Variants in NGEF observed in about 807,000 individuals in gnomAD.
NGEF encodes neuronal guanine nucleotide exchange factor.
NGEF carries 31 observed loss-of-function variants against 80.9 expected under a neutral mutation model. The observed-to-expected ratio is 0.38, with a 90% CI of 0.29 to 0.52. NGEF has a LOEUF of 0.52. NGEF is among the 20% of genes least tolerant of loss of function. The probability of loss-of-function intolerance (pLI) is 0.84; values close to 1 mark genes in which losing one functional copy is unlikely to be tolerated. For synonymous variants in NGEF, 371 were observed against 370.2 expected, an observed-to-expected ratio of 1.00 and a Z score of -0.03; for missense variants, 709 against 926.2, an observed-to-expected ratio of 0.77 and a Z score of 3.04.
intron 1 of NGEF, among the ~76,000 whole-genome samples, chr2:232,985,095 A>G (rs1309922994): frequency 1.3e-5 from 2 of 152,182 alleles, no homozygotes; most frequent in African/African-American, 2.4e-5. Context: ...AACAGCCAGG[A>G]CTAGAATCTT....
intron 5 of NGEF, chr2:232,901,444 T>G (rs763356103): frequency 4.1e-6 from 4 of 985,460 alleles, no homozygotes; most frequent in Non-Finnish European, 4.8e-6. Flanking sequence ...TTTTTTTGGC[T>G]TCTCCCGACC....
chr2:232,995,677 T>TTA (rs143771812), intron 1 of NGEF, among the ~76,000 whole-genome samples: 4 of 128,998 alleles, frequency 3.1e-5, no homozygotes, highest in African/African-American at 1.3e-4. Context: ...TATATATGTA[T>TTA]TATATATATT....
intron 9 of NGEF, among the ~76,000 whole-genome samples, chr2:232,886,171 GTGA>G (rs929619843): frequency 1.3e-5 from 1 of 75,122 alleles, no homozygotes; most frequent in Non-Finnish European, 2.8e-5. Context: ...TGTACTGTGT[GTGA>G]TATGTATGTG....
At chr2:232,958,811 C>T (rs545078066) in intron 3 of NGEF, among the ~76,000 whole-genome samples, 5 of 152,108 alleles carry the variant, frequency 3.3e-5, no homozygotes, top group South Asian at 2.1e-4. Context: ...ATAATTAATT[C>T]CCCCAATATT....
chr2:232,940,291 T>C (rs1693411017), intron 3 of NGEF, among the ~76,000 whole-genome samples: 1 of 152,230 alleles, frequency 6.6e-6, no homozygotes, highest in African/African-American at 2.4e-5. Context: ...TTCAAAAGCA[T>C]ATCAGAAACA....
intron 2 of NGEF, among the ~76,000 whole-genome samples, chr2:232,972,176 C>T (rs141307405): frequency 6.6e-6 from 1 of 152,098 alleles, no homozygotes; most frequent in Non-Finnish European, 1.5e-5. Context: ...ACATTTTATG[C>T]AATCTAATTC....
chr2:232,891,497 C>T lies in NGEF; in HGVS notation c.1143-10G>A, dbSNP rs1574992263. 2 of 1,611,080 alleles carry T rather than the reference C, an allele frequency of 1.2e-6. No individual in the cohort carries two copies. The highest frequency in any genetic ancestry group is 1.3e-5 in the African/African-American group (1 of 75,044). On this transcript the variant is annotated splice_polypyrimidine_tract_variant and intron_variant, in intron 7 of 14. Coordinates refer to ENST00000264051, the MANE Select transcript of NGEF (RefSeq NM_019850.3). ...AGCTGCCTTCTCCTGGCTGGGGACA[C>T]AGACAGGTGGAGTAGGTCTCTGAGC... is the stretch of plus-strand genomic sequence containing the variant.
rs529124429 is a variant in NGEF at position 232,920,206 on chromosome 2, C to A, written c.828+78G>T. 27 of 1,424,724 alleles carry A rather than the reference C, an allele frequency of 1.9e-5. No homozygotes were observed. In the East Asian group the frequency reaches 3.9e-4, roughly 21 times the overall value. The allele number at this position is 1,424,724 out of a possible 1,614,324, so 88.3% of individuals were successfully genotyped here. ...GAACCAGCCAGGGAACCTCACCCCC[C>A]AGAGGAAGCCTCACCCCCAGCAGTG... On this transcript the variant is annotated intron_variant, in intron 5 of 14. Transcript: ENST00000264051.
chr2:232,879,789 G>T, intron 14 of NGEF, 110 bp from the exon 15 acceptor site: 1 of 1,035,974 alleles, frequency 9.7e-7, no homozygotes, highest in Non-Finnish European at 1.4e-6. Context: ...TAGGGGTCCA[G>T]CTGGCCTTTC....
intron 1 of NGEF, among the ~76,000 whole-genome samples, chr2:233,008,755 A>G (rs1695140568): frequency 6.6e-6 from 1 of 151,910 alleles, no homozygotes; most frequent in African/African-American, 2.4e-5. Flanking sequence ...GTTTTTCAAT[A>G]GATATTTCTT....
intron 3 of NGEF, among the ~76,000 whole-genome samples, chr2:232,935,348 T>A (rs1693307131): frequency 6.6e-6 from 1 of 152,220 alleles, no homozygotes; most frequent in African/African-American, 2.4e-5. Flanking sequence ...CCAGGCTTGG[T>A]GGCTCACGCC....
intron 1 of NGEF, among the ~76,000 whole-genome samples, chr2:232,982,146 G>A (rs1166389210): frequency 6.6e-6 from 1 of 152,192 alleles, no homozygotes; most frequent in Non-Finnish European, 1.5e-5. Flanking sequence ...GGCATGGGCA[G>A]CCCCATGCCT....
intron 3 of NGEF, among the ~76,000 whole-genome samples, chr2:232,962,363 C>G (rs990504584): frequency 6.6e-6 from 1 of 152,030 alleles, no homozygotes; most frequent in Non-Finnish European, 1.5e-5. Context: ...ATGGTGAAAC[C>G]CTGTCTCTAC....
chr2:232,977,992 T>A (rs1258473874), intron 1 of NGEF, among the ~76,000 whole-genome samples: 1 of 151,930 alleles, frequency 6.6e-6, no homozygotes, highest in African/African-American at 2.4e-5. Flanking sequence ...TGAAGCCAGG[T>A]TGGGGTCAGA....
rs1176325280 is a variant in NGEF at position 232,906,393 on chromosome 2, G to A, written c.829-11477C>T. ...GCCAGCCGCCCCGTCCGGGAGGGAG[G>A]TGGGGGGGTCAGCCCCCCGCCCGGT... is the stretch of plus-strand genomic sequence containing the variant. On this transcript the variant is annotated intron_variant, in intron 5 of 14. Coordinates refer to ENST00000264051, the MANE Select transcript of NGEF (RefSeq NM_019850.3). Among the ~76,000 whole-genome samples the A allele has an allele frequency of 9.8e-5, 11 of 112,376 alleles. 1 individual carries two copies. Among genetic ancestry groups the A allele is most frequent in the Non-Finnish European group, 1.7e-4 (9 of 51,634 alleles). 73.7% of individuals were successfully genotyped at this position (112,376 alleles called of 152,430 possible). A position where few individuals can be genotyped will look rare whatever the true frequency, so the allele number is the denominator to read the frequency against.
At chr2:232,901,066 G>T (rs947046898) in intron 5 of NGEF, among the ~76,000 whole-genome samples, 15 of 152,226 alleles carry the variant, frequency 9.9e-5, no homozygotes, top group African/African-American at 3.6e-4. Flanking sequence ...AGGACACCAA[G>T]AAAAGTCTGC....
At chr2:232,943,564 C>G (rs1459721530) in intron 3 of NGEF, among the ~76,000 whole-genome samples, 2 of 147,916 alleles carry the variant, frequency 1.4e-5, no homozygotes, top group Non-Finnish European at 3.0e-5. Context: ...GGCGCGATCT[C>G]GGCTCACTGC....
intron 3 of NGEF, among the ~76,000 whole-genome samples, chr2:232,945,963 T>A (rs72978107): frequency 0.19 from 29,384 of 151,460 alleles, 3,061 homozygotes; most frequent in East Asian, 0.35. Context: ...TGGAAAAAAC[T>A]CAAATGCCCA....
At chr2:232,899,001 GGTGT>G in intron 5 of NGEF, among the ~76,000 whole-genome samples, 2 of 152,036 alleles carry the variant, frequency 1.3e-5, no homozygotes, top group East Asian at 3.9e-4. Context: ...AGTGTGAATG[GGTGT>G]ATGTGTGTTA....
Sources: allele counts gnomAD v4.1 joint callset (sites outside exome capture counted in the v4.1 genomes callset), GRCh38; gene constraint gnomAD v4.1.1; transcripts MANE v1.5; gene names NCBI Gene and HGNC (gene_info 2026-07-23, HGNC 2026-07-21).